The following SNX18 variants were observed in gnomAD, a reference collection of about 807,000 sequenced individuals.
SNX18 encodes sorting nexin-18.
Under a neutral mutation model 48.7 loss-of-function variants are expected in SNX18, and 35 were observed. The ratio of observed to expected loss-of-function variants is 0.72; its 90% CI spans 0.55 to 0.95. The LOEUF (loss-of-function observed/expected upper bound fraction) is 0.95, where lower values mean the gene tolerates loss of function less well. SNX18 is among the 40% of genes least tolerant of loss of function. The pLI, the probability that SNX18 is intolerant of heterozygous loss-of-function variation, is 0.00. For missense variants in SNX18, 824 were observed against 871.0 expected (o/e 0.95, Z 0.68); for synonymous variants, 492 against 384.7 (o/e 1.28, Z -3.26).
the SNX18 span, among the ~76,000 whole-genome samples, chr5:54,603,251 T>TA: frequency 4.8e-4 from 70 of 144,804 alleles, 1 homozygote; most frequent in Admixed American, 3.5e-4. Context: ...TATATATATA[T>TA]TTTTTTAGAG....
At chr5:54,597,979 T>C in the SNX18 span, among the ~76,000 whole-genome samples, 1 of 151,786 alleles carries the variant, frequency 6.6e-6, no homozygotes, top group East Asian at 1.9e-4. Flanking sequence ...ATTAATAAGA[T>C]ACATAGACTA....
At chr5:54,587,681 G>T in the SNX18 span, among the ~76,000 whole-genome samples, 3 of 152,094 alleles carry the variant, frequency 2.0e-5, no homozygotes, top group Admixed American at 6.5e-5. Context: ...AGTTCACTTG[G>T]CAGTTAATAT....
At chr5:54,639,236 T>C in the SNX18 span, among the ~76,000 whole-genome samples, 1 of 152,158 alleles carries the variant, frequency 6.6e-6, no homozygotes, top group African/African-American at 2.4e-5. Context: ...ACCAGCAATC[T>C]AGGGACATGA....
chr5:54,630,660 C>T, the SNX18 span, among the ~76,000 whole-genome samples: 2 of 151,924 alleles, frequency 1.3e-5, no homozygotes, highest in Admixed American at 6.6e-5. Context: ...ATGGTGAAAC[C>T]CTGTCTCTAG....
the SNX18 span, among the ~76,000 whole-genome samples, chr5:54,620,341 T>C: frequency 6.6e-6 from 1 of 152,060 alleles, no homozygotes; most frequent in African/African-American, 2.4e-5. Context: ...GAGAGTCACA[T>C]AGAGGAGGCT....
chr5:54,549,746 G>T (rs765436411), downstream of SNX18, among the ~76,000 whole-genome samples: 1 of 152,158 alleles, frequency 6.6e-6, no homozygotes, highest in Non-Finnish European at 1.5e-5. Flanking sequence ...ACAGAGAGAG[G>T]CAGCCTACTC....
the SNX18 span, among the ~76,000 whole-genome samples, chr5:54,630,887 T>G: frequency 6.6e-6 from 1 of 150,404 alleles, no homozygotes; most frequent in Non-Finnish European, 1.5e-5. Context: ...CAACATCTGG[T>G]GCAGGATGCA....
At chr5:54,591,342 G>A in the SNX18 span, among the ~76,000 whole-genome samples, 1 of 152,046 alleles carries the variant, frequency 6.6e-6, no homozygotes, top group Non-Finnish European at 1.5e-5. Flanking sequence ...ACATCTCCTG[G>A]CTAATTTTTA....
At chr5:54,594,145 T>C in the SNX18 span, among the ~76,000 whole-genome samples, 1 of 152,168 alleles carries the variant, frequency 6.6e-6, no homozygotes, top group Non-Finnish European at 1.5e-5. Flanking sequence ...AAAAGCACAA[T>C]ACTAAGTGAA....
At chr5:54,601,078 C>T in the SNX18 span, among the ~76,000 whole-genome samples, 8 of 149,172 alleles carry the variant, frequency 5.4e-5, no homozygotes, top group Non-Finnish European at 8.9e-5. Context: ...CCATCCCTCC[C>T]GTCCTCCCTC....
chr5:54,563,966 T>C, the SNX18 span, among the ~76,000 whole-genome samples: 3 of 152,164 alleles, frequency 2.0e-5, no homozygotes, highest in Admixed American at 1.3e-4. Flanking sequence ...ACTTAACATT[T>C]CCTTGTAAAC....
rs768542314 is a variant in SNX18 at position 54,518,981 on chromosome 5, C to T, written c.1029C>T (p.Arg343=). ...TGCCCGAGAAGCAGGCCACCGGCCG[C>T]TTCGAGGAGGACTTCATCTCTAAGC... ...PHLPEKQATG[R]FEEDFISKRR... Residue 343 remains arginine (R), a synonymous_variant, in exon 1 of 2, where the codon CGC becomes CGT. Transcript: ENST00000381410. 2.5e-6 allele frequency: 4 copies of T among 1,613,456 alleles called. No homozygotes were observed. The African/African-American group carries it at 5.3e-5, about 22-fold the overall frequency.
the SNX18 span, among the ~76,000 whole-genome samples, chr5:54,582,052 C>T: frequency 2.0e-5 from 3 of 152,280 alleles, no homozygotes; most frequent in Middle Eastern, 3.4e-3. Context: ...CATGAGAATT[C>T]GCCTCTATAC....
chr5:54,582,686 G>A, the SNX18 span, among the ~76,000 whole-genome samples: 1 of 152,106 alleles, frequency 6.6e-6, no homozygotes, highest in South Asian at 2.1e-4. Flanking sequence ...CAGCTACTTG[G>A]GAGGCTGAGA....
chr5:54,565,527 T>G, the SNX18 span, among the ~76,000 whole-genome samples: 104 of 152,252 alleles, frequency 6.8e-4, 1 homozygote, highest in East Asian at 0.017. Context: ...GAGCCATGAT[T>G]GTACCACTGC....
At position 54,518,210 on chromosome 5, in the gene SNX18, C is replaced by T. The variant is rs1226722245; in HGVS notation, c.258C>T (p.Phe86=). 2 of 1,399,790 alleles carry T rather than the reference C, an allele frequency of 1.4e-6. No homozygotes were observed. The highest frequency in any genetic ancestry group is 1.8e-6 in the Non-Finnish European group (2 of 1,086,642). The allele number at this position is 1,399,790 out of a possible 1,614,324, so 86.7% of individuals were successfully genotyped here. The part of the protein sequence containing the change: ...ARYANVPPGG[F]EPLPVAPPAS... Reference sequence around the variant, plus strand: ...ACGCCAATGTGCCCCCCGGGGGCTTCGAGCCCCTGCCTGTCGCGCCCCCCG... The same window carrying T: ...ACGCCAATGTGCCCCCCGGGGGCTTTGAGCCCCTGCCTGTCGCGCCCCCCG... Residue 86 remains phenylalanine (F), a synonymous_variant, in exon 1 of 2, where the codon TTC becomes TTT. Transcript: ENST00000381410.
the SNX18 span, among the ~76,000 whole-genome samples, chr5:54,629,639 T>C: frequency 1.3e-5 from 2 of 152,246 alleles, no homozygotes; most frequent in African/African-American, 4.8e-5. Flanking sequence ...TGAGTCTCCT[T>C]CCTACTGAAG....
At chr5:54,538,555 G>GA (rs1363879122) in intron 1 of SNX18, among the ~76,000 whole-genome samples, 3 of 152,104 alleles carry the variant, frequency 2.0e-5, no homozygotes, top group Non-Finnish European at 4.4e-5. Flanking sequence ...AAGGTGTACA[G>GA]AAAAAACTAA....
the SNX18 span, among the ~76,000 whole-genome samples, chr5:54,603,637 A>G: frequency 6.6e-6 from 1 of 152,170 alleles, no homozygotes; most frequent in Non-Finnish European, 1.5e-5. Context: ...CCAAAGAAAA[A>G]AGAATAAGAA....
Sources: allele counts gnomAD v4.1 joint callset (sites outside exome capture counted in the v4.1 genomes callset), GRCh38; gene constraint gnomAD v4.1.1; transcripts MANE v1.5; gene names NCBI Gene and HGNC (gene_info 2026-07-23, HGNC 2026-07-21).